PPFIA2: variants seen among roughly 807,000 people sequenced by gnomAD.
The protein encoded by PPFIA2 is liprin-alpha-2.
Under a neutral mutation model 175.5 loss-of-function variants are expected in PPFIA2, and 46 were observed. The observed-to-expected ratio is 0.26, with a 90% CI of 0.21 to 0.34. PPFIA2 has a LOEUF of 0.34. Among genes scored for constraint, PPFIA2 ranks in the 10% least tolerant of loss-of-function variants. The pLI is 1.00. For synonymous variants in PPFIA2, 568 were observed against 511.4 expected (o/e 1.11, Z -1.49); for missense variants, 1,179 against 1,506.1 (o/e 0.78, Z 3.60).
chr12:81,548,388 T>G (rs1247651419), intron 4 of PPFIA2, among the ~76,000 whole-genome samples: 1 of 152,180 alleles, frequency 6.6e-6, no homozygotes, highest in African/African-American at 2.4e-5. Flanking sequence ...AAAAAAGCCA[T>G]CAAGAAGTCT....
chr12:81,350,146 A>T (rs2059767614), intron 17 of PPFIA2, among the ~76,000 whole-genome samples: 1 of 152,124 alleles, frequency 6.6e-6, no homozygotes, highest in South Asian at 2.1e-4. Flanking sequence ...GGGTGTGTTG[A>T]TCTCTTTGGT....
chr12:81,368,887 A>G (rs758443575), intron 12 of PPFIA2, 31 bp from the exon 13 acceptor site: 2 of 1,586,930 alleles, frequency 1.3e-6, no homozygotes, highest in East Asian at 2.2e-5. Context: ...ATAAAAATCC[A>G]TTCAAAAACT....
At chr12:81,696,039 G>A (rs73348321) in intron 3 of PPFIA2, among the ~76,000 whole-genome samples, 209 of 152,264 alleles carry the variant, frequency 1.4e-3, no homozygotes, top group African/African-American at 4.8e-3. Context: ...ATTAATACAA[G>A]AGCTTTAGGC....
intron 7 of PPFIA2, chr12:81,431,154 G>A (rs979288918): frequency 3.9e-5 from 6 of 152,134 alleles, no homozygotes; most frequent in African/African-American, 4.8e-5. Flanking sequence ...AAATAAGCAC[G>A]CCTGTGTATT....
intron 4 of PPFIA2, among the ~76,000 whole-genome samples, chr12:81,549,449 A>G (rs1473700482): frequency 2.0e-5 from 3 of 152,082 alleles, no homozygotes; most frequent in Non-Finnish European, 4.4e-5. Context: ...CTAGATGTCA[A>G]CTAGAGTCTT....
At chr12:81,347,219 C>A (rs938027488) in intron 18 of PPFIA2, among the ~76,000 whole-genome samples, 1 of 151,950 alleles carries the variant, frequency 6.6e-6, no homozygotes, top group African/African-American at 2.4e-5. Flanking sequence ...TCCAAAAGCG[C>A]TAGGATTATA....
chr12:81,532,728 T>C (rs2064771469), intron 4 of PPFIA2, among the ~76,000 whole-genome samples: 1 of 151,806 alleles, frequency 6.6e-6, no homozygotes, highest in Admixed American at 6.6e-5. Flanking sequence ...CTTTTTATTA[T>C]GATTAAATTT....
At chr12:81,316,422 T>C (rs1028797563) in intron 22 of PPFIA2, among the ~76,000 whole-genome samples, 2 of 151,646 alleles carry the variant, frequency 1.3e-5, no homozygotes, top group East Asian at 3.8e-4. Flanking sequence ...TAAAAAGCCA[T>C]AATTATTCTT....
intron 5 of PPFIA2, among the ~76,000 whole-genome samples, chr12:81,455,235 T>G (rs2053376808): frequency 6.6e-6 from 1 of 152,184 alleles, no homozygotes; most frequent in Non-Finnish European, 1.5e-5. Context: ...GAGAGACATA[T>G]TTGATTTTCA....
chr12:81,426,137 T>C (rs980853960), intron 7 of PPFIA2, among the ~76,000 whole-genome samples: 1 of 152,200 alleles, frequency 6.6e-6, no homozygotes, highest in Non-Finnish European at 1.5e-5. Flanking sequence ...CTGTGATGAA[T>C]CAAACAGGTA....
chr12:81,467,501 C>A (rs1354542976), intron 4 of PPFIA2, among the ~76,000 whole-genome samples: 1 of 152,080 alleles, frequency 6.6e-6, no homozygotes, highest in African/African-American at 2.4e-5. Context: ...ACAGCCTGGG[C>A]AACACAGTGA....
intron 7 of PPFIA2, among the ~76,000 whole-genome samples, chr12:81,409,312 T>G (rs7298939): frequency 6.6e-6 from 1 of 152,286 alleles, no homozygotes; most frequent in East Asian, 1.9e-4. Context: ...CTTGCTATGG[T>G]TTAAATGTTC....
intron 4 of PPFIA2, among the ~76,000 whole-genome samples, chr12:81,509,936 A>C (rs1169648828): frequency 6.6e-6 from 1 of 152,190 alleles, no homozygotes; most frequent in African/African-American, 2.4e-5. Context: ...TAGATGTTAA[A>C]GGCAACTGGA....
chr12:81,632,812 T>G (rs1010302394), intron 4 of PPFIA2, among the ~76,000 whole-genome samples: 16 of 152,002 alleles, frequency 1.1e-4, no homozygotes, highest in African/African-American at 3.9e-4. Context: ...AAGCAATCTG[T>G]GTCCTGAGGG....
intron 21 of PPFIA2, among the ~76,000 whole-genome samples, chr12:81,333,997 A>G (rs2056643780): frequency 6.6e-6 from 1 of 152,182 alleles, no homozygotes; most frequent in Non-Finnish European, 1.5e-5. Context: ...GTCCCCAGGG[A>G]TGTCATGAGT....
intron 23 of PPFIA2, among the ~76,000 whole-genome samples, chr12:81,297,524 T>A (rs1208386997): frequency 2.6e-5 from 4 of 152,184 alleles, no homozygotes; most frequent in Non-Finnish European, 5.9e-5. Flanking sequence ...TATGCTTTCT[T>A]CCAGCAGGTT....
At chr12:81,435,463 G>C (rs2048803161) in intron 7 of PPFIA2, among the ~76,000 whole-genome samples, 2 of 152,132 alleles carry the variant, frequency 1.3e-5, no homozygotes. Flanking sequence ...GATGTCTGGG[G>C]AGAATAGATG....
chr12:81,365,480 G>A (rs1461114024), intron 14 of PPFIA2, among the ~76,000 whole-genome samples: 1 of 151,658 alleles, frequency 6.6e-6, no homozygotes. Context: ...GTGGGGGAGT[G>A]GGTTCTGGGG....
intron 31 of PPFIA2, 93 bp downstream of exon 31, chr12:81,263,138 G>T (rs2036181742): frequency 7.7e-7 from 1 of 1,296,306 alleles, no homozygotes; most frequent in South Asian, 1.6e-5. Flanking sequence ...ACCAACTCAA[G>T]AAAATAATTC....
Sources: allele counts gnomAD v4.1 joint callset (sites outside exome capture counted in the v4.1 genomes callset), GRCh38; gene constraint gnomAD v4.1.1; transcripts MANE v1.5; gene names NCBI Gene and HGNC (gene_info 2026-07-23, HGNC 2026-07-21).